TMEM68: variants seen among roughly 807,000 people sequenced by gnomAD.
TMEM68 encodes DGAT1/2-independent enzyme synthesizing storage lipids.
In TMEM68, 25 loss-of-function variants were observed where a neutral mutation model predicts 36.9. The ratio of observed to expected loss-of-function variants is 0.68; its 90% CI spans 0.49 to 0.95. The LOEUF (loss-of-function observed/expected upper bound fraction) is 0.95. Ranked by LOEUF, TMEM68 falls within the 40% of genes least tolerant of loss-of-function variation. The pLI is 0.00. For synonymous variants in TMEM68, 131 were observed against 124.4 expected (o/e 1.05, Z -0.35); for missense variants, 333 against 392.0 (o/e 0.85, Z 1.27).
chr8:55,754,729 T>TACATACTTATATATATATTATATATAAA (rs1810536293), intron 4 of TMEM68, among the ~76,000 whole-genome samples: 1 of 126,800 alleles, frequency 7.9e-6, no homozygotes, highest in Non-Finnish European at 1.6e-5. Context: ...ATATATAAAA[T>TACATACTTATATATATATTATATATAAA]ACATACTTAT....
At chr8:55,772,839 C>CACTT (rs1483989225) in intron 1 of TMEM68, 1 of 152,976 alleles carries the variant, frequency 6.5e-6, no homozygotes, top group African/African-American at 2.4e-5. Context: ...GATCACCACA[C>CACTT]ACTTCCCCTT....
intron 1 of TMEM68, among the ~76,000 whole-genome samples, chr8:55,769,018 T>TAA (rs200493179): frequency 3.7e-5 from 3 of 82,090 alleles, no homozygotes; most frequent in African/African-American, 9.9e-5. Flanking sequence ...ACTCTGTCTT[T>TAA]AAAAAAAAAA....
At chr8:55,747,376 T>TA (rs1194612273) in intron 5 of TMEM68, 1 of 151,882 alleles carries the variant, frequency 6.6e-6, no homozygotes, top group African/African-American at 2.4e-5. Flanking sequence ...AAATTAAAAG[T>TA]AAAAAAGAGC....
At chr8:55,768,921 G>A (rs182682295) in intron 1 of TMEM68, among the ~76,000 whole-genome samples, 1 of 151,056 alleles carries the variant, frequency 6.6e-6, no homozygotes, top group South Asian at 2.1e-4. Flanking sequence ...GAGGCTGAAG[G>A]GGGAGGATCA....
At chr8:55,757,543 T>G (rs922536960) in intron 3 of TMEM68, among the ~76,000 whole-genome samples, 2 of 152,048 alleles carry the variant, frequency 1.3e-5, no homozygotes, top group African/African-American at 4.8e-5. Flanking sequence ...TGGAAGTTTA[T>G]CTCATAGAAG....
intron 4 of TMEM68, among the ~76,000 whole-genome samples, chr8:55,754,633 TTA>T (rs1348707746): frequency 7.6e-5 from 10 of 131,204 alleles, no homozygotes; most frequent in African/African-American, 2.7e-4. Flanking sequence ...AATACATACA[TTA>T]TATAATATAT....
At chr8:55,760,313 A>G (rs1177701369) in intron 3 of TMEM68, among the ~76,000 whole-genome samples, 1 of 152,248 alleles carries the variant, frequency 6.6e-6, no homozygotes, top group East Asian at 1.9e-4. Context: ...TTCCCTTCCC[A>G]TGTCACCACT....
intron 5 of TMEM68, chr8:55,747,363 A>G (rs963567861): frequency 6.6e-6 from 1 of 152,254 alleles, no homozygotes; most frequent in African/African-American, 2.4e-5. Context: ...CTCTGTCTCA[A>G]AAAAATTAAA....
intron 5 of TMEM68, among the ~76,000 whole-genome samples, chr8:55,749,518 C>T (rs982574949): frequency 2.6e-5 from 4 of 152,108 alleles, no homozygotes; most frequent in African/African-American, 9.7e-5. Flanking sequence ...TCTGGGAAGC[C>T]CCTTCAGTCT....
At chr8:55,761,345 A>G (rs911750135) in intron 3 of TMEM68, 1 of 152,156 alleles carries the variant, frequency 6.6e-6, no homozygotes, top group East Asian at 1.9e-4. Context: ...TTCTGCTCAC[A>G]TGGTTGCTAT....
chr8:55,744,531 T>C (rs911270355), intron 6 of TMEM68, among the ~76,000 whole-genome samples: 5 of 151,654 alleles, frequency 3.3e-5, no homozygotes, highest in Admixed American at 2.6e-4. Flanking sequence ...ATGGTCTCAA[T>C]CTCCTGACCT....
intron 1 of TMEM68, among the ~76,000 whole-genome samples, chr8:55,772,806 C>T (rs1278935994): frequency 6.6e-6 from 1 of 152,138 alleles, no homozygotes; most frequent in East Asian, 1.9e-4. Context: ...TCTACCCACG[C>T]GGCTTTCCCC....
chr8:55,764,813 T>C (rs1395333188), intron 1 of TMEM68, among the ~76,000 whole-genome samples: 3 of 152,142 alleles, frequency 2.0e-5, no homozygotes, highest in African/African-American at 7.2e-5. Flanking sequence ...TGGCTCACTC[T>C]TGTAATCCCA....
At position 55,750,014 on chromosome 8, in the gene TMEM68, C is replaced by T. The variant is rs187612099; in HGVS notation, c.687+950G>A. 8.5e-5 allele frequency among the ~76,000 whole-genome samples: 13 copies of T among 152,100 alleles called. No individual in the cohort carries two copies. In the East Asian group the frequency reaches 1.7e-3, roughly 20 times the overall value. ...AACTTAAGGATGAGGAATTGGAATC[C>T]CATGGCATATTTATGTGATTTTAAA... On this transcript the variant is annotated intron_variant, in intron 5 of 7. Coordinates refer to ENST00000434581, the MANE Select transcript of TMEM68 (RefSeq NM_001286657.2).
Position 55,739,516 on chromosome 8 carries a change from T to C in TMEM68, c.*616A>G, listed in dbSNP as rs1810031508. 1 of 152,624 alleles carries C rather than the reference T, an allele frequency of 6.6e-6. No individual in the cohort carries two copies. The highest frequency in any genetic ancestry group is 1.5e-5 in the Non-Finnish European group (1 of 68,028). 9.5% of individuals were successfully genotyped at this position (152,624 alleles called of 1,614,324 possible). On this transcript the variant is annotated 3_prime_UTR_variant, in exon 8 of 8. Transcript: ENST00000434581. ...TAATTTAAACACACAATGGAGAAAA[T>C]ATATACATAACTGCTAAAGGATTTT...
intron 4 of TMEM68, among the ~76,000 whole-genome samples, chr8:55,754,976 C>T (rs947680709): frequency 2.3e-4 from 29 of 124,490 alleles, no homozygotes; most frequent in South Asian, 7.3e-4. Flanking sequence ...CACACACACA[C>T]ATAGCCTTTA....
chr8:55,769,322 CAAAAAAA>C (rs56065552), intron 1 of TMEM68, among the ~76,000 whole-genome samples: 1 of 71,602 alleles, frequency 1.4e-5, no homozygotes, highest in Non-Finnish European at 2.4e-5. Context: ...AATCCCATCT[CAAAAAAA>C]AAAAAAAAAA....
intron 1 of TMEM68, among the ~76,000 whole-genome samples, chr8:55,769,018 T>TTAAACAAAAAAAAAAAAA (rs1554556017): frequency 1.2e-5 from 1 of 82,094 alleles, no homozygotes; most frequent in Non-Finnish European, 2.4e-5. Context: ...ACTCTGTCTT[T>TTAAACAAAAAAAAAAAAA]AAAAAAAAAA....
At chr8:55,744,358 T>C (rs1274730704) in intron 6 of TMEM68, among the ~76,000 whole-genome samples, 1 of 19,520 alleles carries the variant, frequency 5.1e-5, no homozygotes, top group Non-Finnish European at 1.0e-4. Context: ...CAGGCTGGAG[T>C]GCAGTGGCAC....
Sources: gnomAD v4.1 joint callset for allele counts (sites outside exome capture counted in the v4.1 genomes callset) on GRCh38, gnomAD v4.1.1 for gene constraint, MANE v1.5 for transcripts, NCBI Gene and HGNC (gene_info 2026-07-23, HGNC 2026-07-21) for gene names.